Variants in GMDS observed in about 807,000 individuals in gnomAD.
GMDS encodes GDP-mannose 4,6-dehydratase.
A neutral mutation model predicts 49.9 loss-of-function variants in GMDS; 20 were observed. The ratio of observed to expected loss-of-function variants is 0.40; its 90% CI spans 0.28 to 0.58. The LOEUF (loss-of-function observed/expected upper bound fraction) is 0.58. Ranked by LOEUF, GMDS falls within the 20% of genes least tolerant of loss-of-function variation. The probability of loss-of-function intolerance (pLI) is 0.42; values close to 1 mark genes in which losing one functional copy is unlikely to be tolerated. For missense variants in GMDS, 362 were observed against 481.4 expected (o/e 0.75, Z 2.32); for synonymous variants, 177 against 178.6 (o/e 0.99, Z 0.07).
At chr6:2,202,715 C>A (rs540985341) in intron 1 of GMDS, among the ~76,000 whole-genome samples, 5 of 152,106 alleles carry the variant, frequency 3.3e-5, no homozygotes, top group Admixed American at 3.3e-4. Context: ...GACATGATGC[C>A]ACGTCTGTTG....
chr6:1,972,439 G>A (rs569221620), intron 4 of GMDS, among the ~76,000 whole-genome samples: 3 of 151,748 alleles, frequency 2.0e-5, no homozygotes, highest in Admixed American at 6.6e-5. Context: ...GTAACTATCC[G>A]GGTCTTTTCT....
intron 4 of GMDS, among the ~76,000 whole-genome samples, chr6:2,000,572 T>C (rs942969204): frequency 1.3e-5 from 2 of 152,226 alleles, no homozygotes; most frequent in African/African-American, 2.4e-5. Context: ...ATAATATTTT[T>C]AAGGTTCATC....
intron 4 of GMDS, among the ~76,000 whole-genome samples, chr6:2,038,670 C>T (rs1412059524): frequency 2.6e-5 from 4 of 152,106 alleles, no homozygotes; most frequent in African/African-American, 2.4e-5. Context: ...TAATTCCTCC[C>T]GAAATATGCT....
At chr6:1,807,008 G>A (rs1048703743) in intron 7 of GMDS, among the ~76,000 whole-genome samples, 1 of 152,116 alleles carries the variant, frequency 6.6e-6, no homozygotes, top group Non-Finnish European at 1.5e-5. Context: ...GAGAGGAGTG[G>A]AAGCAGTTTT....
intron 7 of GMDS, among the ~76,000 whole-genome samples, chr6:1,807,445 A>G (rs1435361064): frequency 6.6e-6 from 1 of 152,188 alleles, no homozygotes; most frequent in Non-Finnish European, 1.5e-5. Flanking sequence ...TTACTCTCAT[A>G]CAATCCTGTC....
intron 7 of GMDS, among the ~76,000 whole-genome samples, chr6:1,837,731 C>T (rs1756989329): frequency 1.3e-5 from 2 of 152,288 alleles, no homozygotes; most frequent in South Asian, 4.1e-4. Flanking sequence ...TTCTTTCAGG[C>T]TAATGAAGCC....
chr6:1,966,385 A>C (rs1307709105), intron 4 of GMDS, among the ~76,000 whole-genome samples: 2 of 151,416 alleles, frequency 1.3e-5, no homozygotes, highest in Non-Finnish European at 1.5e-5. Flanking sequence ...AAAAAAAAAA[A>C]ACCAAGCCTA....
chr6:1,959,547 T>C (rs1581423014), intron 6 of GMDS, among the ~76,000 whole-genome samples: 1 of 152,242 alleles, frequency 6.6e-6, no homozygotes, highest in Admixed American at 6.5e-5. Context: ...ATTAGTTTAC[T>C]ACTTATTCCT....
intron 4 of GMDS, among the ~76,000 whole-genome samples, chr6:2,097,287 G>C (rs1554164350): frequency 6.6e-6 from 1 of 152,082 alleles, no homozygotes; most frequent in East Asian, 1.9e-4. Flanking sequence ...TGTTGTTCTT[G>C]AGAGAGAGTA....
rs112476658 is a variant in GMDS, at chr6:1,755,829, C to T, written c.772-13243G>A. 5.6e-3 allele frequency among the ~76,000 whole-genome samples: 854 copies of T among 152,262 alleles called. 15 individuals carry two copies. Among genetic ancestry groups the T allele is most frequent in the African/African-American group, 0.02 (814 of 41,530 alleles). On this transcript the variant is annotated intron_variant, in intron 7 of 10. Transcript: ENST00000380815. ...ACCCTAGAAGAAAACCTAGGCAATA[C>T]CATTCAGGACATAGGCATGCGCAAA...
chr6:1,711,766 T>A (rs1765974252), intron 9 of GMDS, among the ~76,000 whole-genome samples: 1 of 152,148 alleles, frequency 6.6e-6, no homozygotes. Context: ...TTGGGAAACT[T>A]GTGGAAAGCC....
rs557738590 is a variant in GMDS at position 2,171,345 on chromosome 6, A to G, written c.103-46614T>C. On this transcript the variant is annotated intron_variant, in intron 1 of 10. Transcript: ENST00000380815. ...ATTTTCTTGGCCCATTCGGTCTGCT[A>G]TAACAAAATACCATAAACTAGGTGC... 1.1e-4 allele frequency among the ~76,000 whole-genome samples: 17 copies of G among 152,348 alleles called. No individual in the cohort carries two copies. The South Asian group carries it at 3.5e-3, about 32-fold the overall frequency.
At chr6:1,936,714 C>A (rs1357910278) in intron 6 of GMDS, among the ~76,000 whole-genome samples, 1 of 152,164 alleles carries the variant, frequency 6.6e-6, no homozygotes, top group Non-Finnish European at 1.5e-5. Context: ...CGCCTGTAAT[C>A]CCAACACTTT....
intron 6 of GMDS, among the ~76,000 whole-genome samples, chr6:1,944,490 G>A (rs1243472864): frequency 2.0e-5 from 3 of 150,330 alleles, no homozygotes; most frequent in Non-Finnish European, 3.0e-5. Flanking sequence ...GGGCGACAGA[G>A]CCAGATTGCG....
intron 7 of GMDS, among the ~76,000 whole-genome samples, chr6:1,915,270 G>A (rs1362734778): frequency 6.6e-6 from 1 of 152,204 alleles, no homozygotes; most frequent in Non-Finnish European, 1.5e-5. Flanking sequence ...AGCATTGTCA[G>A]CCAGGCCCTG....
intron 7 of GMDS, among the ~76,000 whole-genome samples, chr6:1,823,002 C>A (rs1770959620): frequency 6.6e-6 from 1 of 152,012 alleles, no homozygotes; most frequent in African/African-American, 2.4e-5. Context: ...AAATTTGGGT[C>A]ATTTATACCA....
intron 1 of GMDS, among the ~76,000 whole-genome samples, chr6:2,208,096 C>T (rs1423601274): frequency 3.3e-5 from 5 of 151,996 alleles, no homozygotes; most frequent in South Asian, 4.2e-4. Flanking sequence ...TGAAGCTGTG[C>T]ATAAGTTAGA....
intron 9 of GMDS, among the ~76,000 whole-genome samples, chr6:1,646,162 C>T (rs1297505262): frequency 1.3e-5 from 2 of 152,204 alleles, no homozygotes. Flanking sequence ...ACCTTTAGCT[C>T]CTTCTTCTCT....
chr6:1,943,950 G>A (rs1762937529), intron 6 of GMDS, among the ~76,000 whole-genome samples: 1 of 152,200 alleles, frequency 6.6e-6, no homozygotes, highest in Non-Finnish European at 1.5e-5. Flanking sequence ...GAACAATATA[G>A]AGATATGTAT....
Sources: allele counts gnomAD v4.1 joint callset (sites outside exome capture counted in the v4.1 genomes callset), GRCh38; gene constraint gnomAD v4.1.1; transcripts MANE v1.5; gene names NCBI Gene and HGNC (gene_info 2026-07-23, HGNC 2026-07-21).